LUM: variants seen among roughly 807,000 people sequenced by gnomAD.
LUM encodes KSPG lumican.
LUM carries 13 observed loss-of-function variants against 20.5 expected under a neutral mutation model. The ratio of observed to expected loss-of-function variants is 0.63; its 90% CI spans 0.41 to 1.01. LUM has a LOEUF of 1.01. Ranked by LOEUF, LUM falls within the 50% of genes least tolerant of loss-of-function variation. LUM has a pLI of 0.00. For synonymous variants in LUM, 173 were observed against 151.5 expected (o/e 1.14, Z -1.04); for missense variants, 321 against 391.1 (o/e 0.82, Z 1.51).
chr12:91,103,354 T>G lies in LUM; in HGVS notation c.*811A>C, dbSNP rs1053159485. On this transcript the variant is annotated 3_prime_UTR_variant, in exon 3 of 3. Transcript: ENST00000266718. ...AAATATCTAAGTAAGTTGTGAAATCTAAGTACCTATTATAGGTGTTTTTAA... is the reference window on the plus strand; with the variant it reads ...AAATATCTAAGTAAGTTGTGAAATCGAAGTACCTATTATAGGTGTTTTTAA... 1 of 152,072 alleles carries G rather than the reference T, an allele frequency of 6.6e-6. No homozygotes were observed. The allele number at this position is 152,072 out of a possible 1,614,324, so 9.4% of individuals were successfully genotyped here.
Position 91,107,238 on chromosome 12 carries a change from G to GGAAA in LUM, c.862+876_862+879dup, listed in dbSNP as rs1555188589. ...AAGAGAGAAAGAAGAAAGAAAGAAA[G>GGAAA]GAAAGAAAGAAAGAAAGAAAGAAAG... On this transcript the variant is annotated intron_variant, in intron 2 of 2. Coordinates refer to ENST00000266718, the MANE Select transcript of LUM (RefSeq NM_002345.4). 2.1e-3 allele frequency among the ~76,000 whole-genome samples: 144 copies of GGAAA among 67,344 alleles called. 9 individuals carry two copies. Among genetic ancestry groups the GGAAA allele is most frequent in the East Asian group, 6.0e-3 (11 of 1,840 alleles). 44.2% of individuals were successfully genotyped at this position (67,344 alleles called of 152,430 possible).
chr12:91,107,468 C>A (rs1218754145), intron 2 of LUM, among the ~76,000 whole-genome samples: 3 of 152,032 alleles, frequency 2.0e-5, no homozygotes, highest in Admixed American at 6.5e-5. Flanking sequence ...CTTCCTCCCT[C>A]ATCTAGATCT....
intron 2 of LUM, among the ~76,000 whole-genome samples, chr12:91,106,200 G>A (rs1189213995): frequency 1.3e-5 from 2 of 152,152 alleles, no homozygotes; most frequent in East Asian, 3.9e-4. Flanking sequence ...GAGGTTATAT[G>A]AAACTGGCAG....
chr12:91,106,812 C>G lies in LUM; in HGVS notation c.862+1306G>C, dbSNP rs192555284. Among the ~76,000 whole-genome samples the G allele has an allele frequency of 1.4e-3, 217 of 150,948 alleles. 1 individual carries two copies. Among genetic ancestry groups the G allele is most frequent in the Non-Finnish European group, 2.6e-3 (178 of 67,864 alleles). On this transcript the variant is annotated intron_variant, in intron 2 of 2. Coordinates refer to ENST00000266718, the MANE Select transcript of LUM (RefSeq NM_002345.4). ...CACACCATAACAGAGATAACAGAGG[C>G]AGATGATGATCATGACAGCAGAGTA... is the stretch of plus-strand genomic sequence containing the variant.
chr12:91,104,240 A>G lies in LUM; in HGVS notation c.942T>C (p.Asn314=). Residue 314 remains asparagine, a synonymous_variant, in exon 3 of 3, where the codon AAT becomes AAC. Transcript: ENST00000266718. ...GTGGAAGACTGGTTTCTGAGATGCGATTGCCATCCAAACGCAAATGCTTGA... is the reference window on the plus strand; with the variant it reads ...GTGGAAGACTGGTTTCTGAGATGCGGTTGCCATCCAAACGCAAATGCTTGA... The part of the protein sequence containing the change: ...SKIKHLRLDG[N]RISETSLPPD... 1 of 1,612,266 alleles carries G rather than the reference A, an allele frequency of 6.2e-7. No individual in the cohort carries two copies. The highest frequency in any genetic ancestry group is 8.5e-7 in the Non-Finnish European group (1 of 1,178,554).
Position 91,104,113 on chromosome 12 carries a change from AACTG to A in LUM, c.*48_*51del. On this transcript the variant is annotated 3_prime_UTR_variant, in exon 3 of 3. Coordinates refer to ENST00000266718, the MANE Select transcript of LUM (RefSeq NM_002345.4). ...AGTAATAAAATATGGATACTATGAA[AACTG>A]ACACACAGAAAAACATAACCATAAA... 2 of 1,452,926 alleles carry A rather than the reference AACTG, an allele frequency of 1.4e-6. No homozygotes were observed. Among genetic ancestry groups the A allele is most frequent in the Non-Finnish European group, 1.9e-6 (2 of 1,037,846 alleles). 90.0% of individuals were successfully genotyped at this position (1,452,926 alleles called of 1,614,324 possible). A position where few individuals can be genotyped will look rare whatever the true frequency, so the allele number is the denominator to read the frequency against.
chr12:91,107,321 GAAAGAAAGAA>G, intron 2 of LUM, among the ~76,000 whole-genome samples: 1 of 118,096 alleles, frequency 8.5e-6, no homozygotes. Flanking sequence ...AAGAAAGAAA[GAAAGAAAGAA>G]AGAAAGAAAG....
chr12:91,108,689 T>C lies in LUM; in HGVS notation c.291A>G (p.Leu97=), dbSNP rs1880134047. ...TGGAGTTTTCTAGAAGGTTGTGATC[T>C]AGAATGAGCCACTGCAGATCAGTTA... is the stretch of plus-strand genomic sequence containing the variant. ...ENVTDLQWLI[L]DHNLLENSKI... is the part of the protein sequence containing the mutation. Residue 97 remains leucine, a synonymous_variant, in exon 2 of 3, where the codon CTA becomes CTG. Coordinates refer to ENST00000266718, the MANE Select transcript of LUM (RefSeq NM_002345.4). The surrounding 1 kb of genome is among the most constrained non-coding windows in gnomAD (Gnocchi z 4.2). 1 of 1,613,946 alleles carries C rather than the reference T, an allele frequency of 6.2e-7. No homozygotes were observed. Among genetic ancestry groups the C allele is most frequent in the Middle Eastern group, 1.6e-4 (1 of 6,084 alleles).
chr12:91,105,546 C>CTGTATT (rs2121041927), intron 2 of LUM, among the ~76,000 whole-genome samples: 1 of 152,148 alleles, frequency 6.6e-6, no homozygotes, highest in East Asian at 1.9e-4. Flanking sequence ...GGGGAACTTT[C>CTGTATT]TGTATTAAGT....
At chr12:91,110,616 T>C (rs1328148052) in intron 1 of LUM, among the ~76,000 whole-genome samples, 3 of 152,156 alleles carry the variant, frequency 2.0e-5, no homozygotes, top group Non-Finnish European at 1.5e-5. Flanking sequence ...TATTTTAAAT[T>C]TACTATACAC....
intron 2 of LUM, among the ~76,000 whole-genome samples, chr12:91,104,917 A>G (rs973304882): frequency 1.3e-5 from 2 of 152,110 alleles, no homozygotes; most frequent in Admixed American, 6.6e-5. Context: ...TTATTTGTTT[A>G]TTTTTGTCCA....
chr12:91,105,918 G>C (rs113669305), intron 2 of LUM, among the ~76,000 whole-genome samples: 52 of 152,290 alleles, frequency 3.4e-4, no homozygotes, highest in African/African-American at 1.3e-3. Context: ...CATCCCTTAA[G>C]CATCGTAAAT....
chr12:91,108,932 G>A lies in LUM; in HGVS notation c.48C>T (p.Thr16=). ...AATCATAATCATAGTACTGGCCACT[G>A]GTACCACCAATCAATGCCAGGAAGA... The part of the protein sequence containing the change: ...FTLFLALIGG[T]SGQYYDYDFP... The change falls in exon 2 of 3, where the codon ACC becomes ACT. Residue 16 remains threonine, a synonymous_variant. Transcript: ENST00000266718. This position sits in a 1 kb window ranked among gnomAD's most constrained non-coding sequence, Gnocchi z 4.2. 6.2e-7 allele frequency: 1 copy of A among 1,613,420 alleles called. No individual in the cohort carries two copies.
chr12:91,103,359 A>G lies in LUM; in HGVS notation c.*806T>C, dbSNP rs1249411118. 1 of 152,060 alleles carries G rather than the reference A, an allele frequency of 6.6e-6. No individual in the cohort carries two copies. The highest frequency in any genetic ancestry group is 2.4e-5 in the African/African-American group (1 of 41,434). 9.4% of individuals were successfully genotyped at this position (152,060 alleles called of 1,614,324 possible). On this transcript the variant is annotated 3_prime_UTR_variant, in exon 3 of 3. Transcript: ENST00000266718. ...TCTAAGTAAGTTGTGAAATCTAAGT[A>G]CCTATTATAGGTGTTTTTAAGAACT... is the stretch of plus-strand genomic sequence containing the variant.
At chr12:91,107,387 G>T (rs1371191508) in intron 2 of LUM, among the ~76,000 whole-genome samples, 1 of 151,600 alleles carries the variant, frequency 6.6e-6, no homozygotes, top group African/African-American at 2.4e-5. Flanking sequence ...GAGAGAGGGA[G>T]GGAGGGAGGG....
In LUM at chr12:91,103,456, G is replaced by C. The variant is rs1879956079; in HGVS notation, c.*709C>G. 1 of 152,016 alleles carries C rather than the reference G, an allele frequency of 6.6e-6. No homozygotes were observed. The highest frequency in any genetic ancestry group is 6.6e-5 in the Admixed American group (1 of 15,230). 9.4% of individuals were successfully genotyped at this position (152,016 alleles called of 1,614,324 possible). A position where few individuals can be genotyped will look rare whatever the true frequency, so the allele number is the denominator to read the frequency against. ...CCTATGTTCACATCAGTAAAATATT[G>C]CAGGCCAGAGATATCTTTTGATTTC... On this transcript the variant is annotated 3_prime_UTR_variant, in exon 3 of 3. Transcript: ENST00000266718.
chr12:91,110,684 T>C (rs1248104738), intron 1 of LUM, among the ~76,000 whole-genome samples: 1 of 152,164 alleles, frequency 6.6e-6, no homozygotes. Flanking sequence ...CTTCCATATT[T>C]TTTGGCAAAG....
At position 91,108,256 on chromosome 12, in the gene LUM, C is replaced by G. The variant is rs757893965; in HGVS notation, c.724G>C (p.Ala242Pro). ...GAATTTCCAGGTATTCCACTATCAG[C>G]CAGTTCGTTGTGAGATAAACGCAGA... ...QYLRLSHNEL[A>P]DSGIPGNSFN... The change falls in exon 2 of 3, where the codon GCT becomes CCT. Residue 242 changes from alanine (A) to proline (P), a missense_variant. By Grantham distance (27) the Ala-to-Pro change is conservative (BLOSUM62 -1). Coordinates refer to ENST00000266718, the MANE Select transcript of LUM (RefSeq NM_002345.4). This position sits in a 1 kb window ranked among gnomAD's most constrained non-coding sequence, Gnocchi z 4.2. 1 of 1,614,114 alleles carries G rather than the reference C, an allele frequency of 6.2e-7. No homozygotes were observed. The highest frequency in any genetic ancestry group is 1.1e-5 in the South Asian group (1 of 91,076).
chr12:91,104,867 C>T (rs1197368148), intron 2 of LUM, among the ~76,000 whole-genome samples: 3 of 152,062 alleles, frequency 2.0e-5, no homozygotes, highest in Non-Finnish European at 2.9e-5. Flanking sequence ...AGGCAAAAAC[C>T]TAATCATGGC....
Sources: allele counts gnomAD v4.1 joint callset (sites outside exome capture counted in the v4.1 genomes callset), GRCh38; gene constraint gnomAD v4.1.1; non-coding constraint Gnocchi (gnomAD v3.1); transcripts MANE v1.5; gene names NCBI Gene and HGNC (gene_info 2026-07-23, HGNC 2026-07-21).